Variants in ROS1 observed in about 807,000 individuals in gnomAD.
ROS1 encodes ROS proto-oncogene 1, receptor tyrosine kinase.
Under a neutral mutation model 273.5 loss-of-function variants are expected in ROS1, and 263 were observed. The ratio of observed to expected loss-of-function variants is 0.96; its 90% CI spans 0.87 to 1.06. The LOEUF (loss-of-function observed/expected upper bound fraction) is 1.06, where lower values mean the gene tolerates loss of function less well. Among genes scored for constraint, ROS1 ranks in the 50% least tolerant of loss-of-function variants. The pLI is 0.00. For synonymous variants in ROS1, 1,008 were observed against 954.1 expected, an observed-to-expected ratio of 1.06 and a Z score of -1.04; for missense variants, 2,833 against 2,751.1, an observed-to-expected ratio of 1.03 and a Z score of -0.67.
At chr6:117,291,056 C>T (rs907581463) in intron 43 of ROS1, among the ~76,000 whole-genome samples, 4 of 152,120 alleles carry the variant, frequency 2.6e-5, no homozygotes, top group African/African-American at 9.7e-5. Flanking sequence ...ATGCAAACTC[C>T]GCCTTTAATT....
chr6:117,313,708 T>C (rs1479334480), intron 39 of ROS1, among the ~76,000 whole-genome samples: 1 of 152,182 alleles, frequency 6.6e-6, no homozygotes, highest in Non-Finnish European at 1.5e-5. Context: ...TTCTTAGGCA[T>C]TCAACCCAAT....
At chr6:117,397,516 C>T (rs2128717613) in intron 7 of ROS1, among the ~76,000 whole-genome samples, 1 of 152,250 alleles carries the variant, frequency 6.6e-6, no homozygotes, top group Non-Finnish European at 1.5e-5. Context: ...AAAAAAAGTC[C>T]ATCCTGGGGC....
rs182055026 is a variant in ROS1, at chr6:117,423,440, T to C, written c.123+2094A>G. Among the ~76,000 whole-genome samples the C allele has an allele frequency of 1.6e-4, 25 of 152,340 alleles. No homozygotes were observed. In the East Asian group the frequency reaches 4.8e-3, roughly 29 times the overall value. Reference sequence around the variant, plus strand: ...TACACTTCCACAAATGATTCAACCGTGAATTCTTTTTTCTTTATCATAAAG... The same window carrying C: ...TACACTTCCACAAATGATTCAACCGCGAATTCTTTTTTCTTTATCATAAAG... On this transcript the variant is annotated intron_variant, in intron 1 of 43. Transcript: ENST00000368507.
Position 117,317,222 on chromosome 6 carries a change from T to C in ROS1, c.6038A>G (p.Asn2013Ser). ...ILKQLGVCLL[N>S]EPQYIILELM... ...TTCCAGGATAATGTATTGGGGTTCA[T>C]TCAGCAGACAAACTCCAAGCTGCTT... is the stretch of plus-strand genomic sequence containing the variant. The change falls in exon 39 of 44, where the codon AAT (asparagine) becomes AGT (serine). Residue 2013 changes from asparagine to serine, a missense_variant. Transcript: ENST00000368507. 6.2e-7 allele frequency: 1 copy of C among 1,613,280 alleles called. No individual in the cohort carries two copies. Among genetic ancestry groups the C allele is most frequent in the Non-Finnish European group, 8.5e-7 (1 of 1,179,572 alleles).
At chr6:117,358,091 T>C in intron 24 of ROS1, 82 bp from the exon 25 acceptor site, 2 of 866,722 alleles carry the variant, frequency 2.3e-6, no homozygotes, top group Non-Finnish European at 3.6e-6. Flanking sequence ...ACCCATATCA[T>C]TTGTTTACTG....
chr6:117,299,195 C>T (rs1774488719), intron 43 of ROS1, among the ~76,000 whole-genome samples: 1 of 152,196 alleles, frequency 6.6e-6, no homozygotes, highest in African/African-American at 2.4e-5. Flanking sequence ...TCCAATCTGT[C>T]GCTTGGCAGT....
At chr6:117,399,970 C>A (rs1773810736) in intron 7 of ROS1, among the ~76,000 whole-genome samples, 2 of 152,224 alleles carry the variant, frequency 1.3e-5, no homozygotes, top group African/African-American at 4.8e-5. Context: ...TAGCTCCTAA[C>A]TGCATTCTAA....
Position 117,290,981 on chromosome 6 carries a change from G to GA in ROS1, c.6716-2180dup. Among the ~76,000 whole-genome samples, 4 of 152,056 alleles carry GA rather than the reference G, an allele frequency of 2.6e-5. 1 individual carries two copies. Among genetic ancestry groups the GA allele is most frequent in the Admixed American group, 2.6e-4 (4 of 15,278 alleles). ...ATTATTAAACACATTATTTTTTATT[G>GA]AAAAAATAATTAAGTTTAGGTTTGC... On this transcript the variant is annotated intron_variant, in intron 43 of 43. Transcript: ENST00000368507.
At chr6:117,397,508 A>G (rs1057186330) in intron 7 of ROS1, among the ~76,000 whole-genome samples, 2 of 152,228 alleles carry the variant, frequency 1.3e-5, no homozygotes, top group Admixed American at 1.3e-4. Flanking sequence ...CGAGTTTAAA[A>G]AAAAGTCCAT....
chr6:117,368,496 C>T (rs1464813259), intron 18 of ROS1, among the ~76,000 whole-genome samples: 1 of 152,122 alleles, frequency 6.6e-6, no homozygotes, highest in East Asian at 1.9e-4. Flanking sequence ...TGAGTGACAG[C>T]AATCAGTTTA....
At chr6:117,366,335 G>T (rs1245420708) in intron 18 of ROS1, 45 bp from the exon 19 acceptor site, 1 of 1,431,056 alleles carries the variant, frequency 7.0e-7, no homozygotes, top group South Asian at 1.1e-5. Context: ...TGGAGTGGTG[G>T]AAGGGCTGGT....
chr6:117,414,569 A>G lies in ROS1; in HGVS notation c.229-24T>C, dbSNP rs544567178. 10 of 722,410 alleles carry G rather than the reference A, an allele frequency of 1.4e-5. No individual in the cohort carries two copies. In the South Asian group the frequency reaches 1.4e-4, roughly 10 times the overall value. The allele number at this position is 722,410 out of a possible 1,614,324, so 44.8% of individuals were successfully genotyped here. A position where few individuals can be genotyped will look rare whatever the true frequency, so the allele number is the denominator to read the frequency against. ...TTCTGCATAGAAAAAAAAAAAGACT[A>G]CTTAAAATCTTGAAAGTTGTAAATA... On this transcript the variant is annotated intron_variant, in intron 3 of 43. Coordinates refer to ENST00000368507, the MANE Select transcript of ROS1 (RefSeq NM_001378902.1).
intron 42 of ROS1, among the ~76,000 whole-genome samples, chr6:117,304,965 C>T (rs528459138): frequency 6.6e-6 from 1 of 152,270 alleles, no homozygotes; most frequent in African/African-American, 2.4e-5. Flanking sequence ...GTGCCTGCTT[C>T]CCCTTCACCC....
At chr6:117,293,781 C>T (rs1415344534) in intron 43 of ROS1, among the ~76,000 whole-genome samples, 1 of 151,982 alleles carries the variant, frequency 6.6e-6, no homozygotes, top group Non-Finnish European at 1.5e-5. Flanking sequence ...TTAATAAAGT[C>T]TATAAAATTA....
chr6:117,355,675 C>A (rs1582718078), intron 26 of ROS1, among the ~76,000 whole-genome samples: 1 of 151,698 alleles, frequency 6.6e-6, no homozygotes, highest in South Asian at 2.1e-4. Context: ...AGTGGCACCA[C>A]CTTGGCTCAC....
intron 42 of ROS1, among the ~76,000 whole-genome samples, chr6:117,303,767 T>C (rs1774911190): frequency 6.6e-6 from 1 of 152,162 alleles, no homozygotes. Flanking sequence ...TTGGAAACTA[T>C]TAAAGAAGAC....
At chr6:117,308,959 T>C (rs2128546547) in intron 41 of ROS1, 31 bp from the exon 42 acceptor site, 1 of 1,602,282 alleles carries the variant, frequency 6.2e-7, no homozygotes, top group Non-Finnish European at 8.5e-7. Flanking sequence ...GCTTTAATTA[T>C]ACTTATTACA....
At chr6:117,315,441 T>C (rs1227109498) in intron 39 of ROS1, among the ~76,000 whole-genome samples, 1 of 152,058 alleles carries the variant, frequency 6.6e-6, no homozygotes, top group Non-Finnish European at 1.5e-5. Context: ...GATAAAATTT[T>C]CCTCAAATTT....
chr6:117,313,749 A>C (rs1257400595), intron 39 of ROS1, among the ~76,000 whole-genome samples: 5 of 152,260 alleles, frequency 3.3e-5, no homozygotes, highest in South Asian at 4.2e-4. Context: ...GGAGAAAGAG[A>C]AAAAGGCCTC....
Sources: gnomAD v4.1 joint callset for allele counts (sites outside exome capture counted in the v4.1 genomes callset) on GRCh38, gnomAD v4.1.1 for gene constraint, MANE v1.5 for transcripts, NCBI Gene and HGNC (gene_info 2026-07-23, HGNC 2026-07-21) for gene names.